The following ADH5 variants were observed in gnomAD, a reference collection of about 807,000 sequenced individuals.
The protein encoded by ADH5 is alcohol dehydrogenase 5 (class III), chi polypeptide, also known as alcohol dehydrogenase class-3.
ADH5 carries 32 observed loss-of-function variants against 40.3 expected under a neutral mutation model. The observed-to-expected ratio is 0.79, with a 90% CI of 0.60 to 1.07. The LOEUF (loss-of-function observed/expected upper bound fraction) is 1.07, where lower values mean the gene tolerates loss of function less well. Among genes scored for constraint, ADH5 ranks in the 50% least tolerant of loss-of-function variants. The pLI is 0.00. For missense variants in ADH5, 353 were observed against 460.5 expected, an observed-to-expected ratio of 0.77 and a Z score of 2.14; for synonymous variants, 125 against 154.3, an observed-to-expected ratio of 0.81 and a Z score of 1.41.
chr4:99,082,454 C>A (rs968822789), intron 2 of ADH5, among the ~76,000 whole-genome samples: 1 of 152,180 alleles, frequency 6.6e-6, no homozygotes, highest in African/African-American at 2.4e-5. Context: ...AGAGAACCAT[C>A]GCCTGTGTGC....
At chr4:99,080,184 T>A (rs1322560943) in intron 4 of ADH5, among the ~76,000 whole-genome samples, 2 of 152,132 alleles carry the variant, frequency 1.3e-5, no homozygotes, top group Non-Finnish European at 2.9e-5. Context: ...TAAAACTTAT[T>A]GGTTCTTTTC....
chr4:99,083,152 C>CA (rs1728060214), intron 2 of ADH5, among the ~76,000 whole-genome samples: 1 of 152,164 alleles, frequency 6.6e-6, no homozygotes, highest in Admixed American at 6.5e-5. Flanking sequence ...GCTCAATGAG[C>CA]ACAATGAATA....
At chr4:99,081,911 A>G in intron 3 of ADH5, 64 bp downstream of exon 3, 2 of 1,568,778 alleles carry the variant, frequency 1.3e-6, no homozygotes, top group Non-Finnish European at 1.7e-6. Flanking sequence ...TTTTATCAGA[A>G]AAACAATTTC....
At chr4:99,072,513 T>C (rs773735666) in intron 8 of ADH5, 60 bp downstream of exon 8, 33 of 1,608,876 alleles carry the variant, frequency 2.1e-5, no homozygotes, top group Non-Finnish European at 2.7e-5. Flanking sequence ...TTTTCGACTC[T>C]CCATCCCCTC....
At chr4:99,079,344 T>C (rs1727983747) in intron 4 of ADH5, among the ~76,000 whole-genome samples, 1 of 142,388 alleles carries the variant, frequency 7.0e-6, no homozygotes, top group South Asian at 2.4e-4. Flanking sequence ...ATATGCAGCT[T>C]GGATATATCT....
chr4:99,083,426 T>C (rs979357841), intron 2 of ADH5, among the ~76,000 whole-genome samples: 1 of 151,458 alleles, frequency 6.6e-6, no homozygotes, highest in African/African-American at 2.4e-5. Context: ...AGGGTGAAAC[T>C]CCGTCTCTAC....
intron 6 of ADH5, chr4:99,075,520 T>C (rs888453628): frequency 2.0e-5 from 3 of 152,330 alleles, no homozygotes; most frequent in Non-Finnish European, 2.9e-5. Flanking sequence ...ACAATTTATT[T>C]TAACAAATTA....
At chr4:99,074,879 A>G in intron 7 of ADH5, 35 bp downstream of exon 7, 1 of 1,555,636 alleles carries the variant, frequency 6.4e-7, no homozygotes, top group Non-Finnish European at 8.7e-7. Flanking sequence ...CAACTAACAA[A>G]AGAGAAAATG....
rs140849847 is a variant in ADH5 at position 99,076,278 on chromosome 4, A to C, written c.825+14T>G. On this transcript the variant is annotated intron_variant, in intron 6 of 8. Coordinates refer to ENST00000296412, the MANE Select transcript of ADH5 (RefSeq NM_000671.4). ...CAGTTCCATAAACTAAAAAGGAATG[A>C]AGCCCATACTCACCATGACCTTCAC... 286 of 1,610,330 alleles carry C rather than the reference A, an allele frequency of 1.8e-4. 1 individual carries two copies. In the East Asian group the frequency reaches 2.5e-3, roughly 14 times the overall value.
At chr4:99,079,861 G>A (rs745696988) in intron 4 of ADH5, 3 of 374,580 alleles carry the variant, frequency 8.0e-6, no homozygotes, top group Non-Finnish European at 1.5e-5. Flanking sequence ...AATCTCAGAA[G>A]CACGTCTTTC....
chr4:99,082,138 GAATGTGTA>G (rs1728037901), intron 2 of ADH5, 22 bp from the exon 3 acceptor site: 1 of 1,611,412 alleles, frequency 6.2e-7, no homozygotes, highest in African/African-American at 1.3e-5. Flanking sequence ...TTAAAACAAC[GAATGTGTA>G]AGTATGTGTG....
At chr4:99,078,284 C>T (rs1727966062) in intron 4 of ADH5, among the ~76,000 whole-genome samples, 1 of 152,084 alleles carries the variant, frequency 6.6e-6, no homozygotes, top group South Asian at 2.1e-4. Flanking sequence ...TTCGAACATA[C>T]ATATGAATAA....
chr4:99,076,858 A>T lies in ADH5; in HGVS notation c.410T>A (p.Ile137Asn). The T allele has an allele frequency of 6.2e-7, 1 of 1,613,904 alleles. No homozygotes were observed. The highest frequency in any genetic ancestry group is 8.5e-7 in the Non-Finnish European group (1 of 1,179,868). ...TGTGCTGGTTCCCATGTAATGCAAA[A>T]TTGTCTTTCCTTTGCAAGTAAATCT... ...TSRFTCKGKT[I>N]LHYMGTSTFS... Residue 137 changes from isoleucine to asparagine, a missense_variant, in exon 5 of 9, where the codon ATT (isoleucine) becomes AAT (asparagine). By Grantham distance (149) the Ile-to-Asn change is moderately radical. Transcript: ENST00000296412.
intron 5 of ADH5, 58 bp downstream of exon 5, chr4:99,076,646 A>G (rs1727937310): frequency 1.9e-6 from 3 of 1,597,620 alleles, no homozygotes; most frequent in East Asian, 4.5e-5. Context: ...CTATTCCAGG[A>G]AAGTTTCACT....
In ADH5 at chr4:99,085,141, G is replaced by T. The variant is rs1365212251; in HGVS notation, c.88C>A (p.Pro30Thr). The change falls in exon 2 of 9, where the codon CCA (proline) becomes ACA (threonine). Residue 30 changes from proline (P) to threonine (T), a missense_variant. By Grantham distance (38) the Pro-to-Thr change is conservative. Coordinates refer to ENST00000296412, the MANE Select transcript of ADH5 (RefSeq NM_000671.4). ...LSIEEIEVAP[P>T]KAHEVRIKII... ...TTGATTCGAACTTCATGAGCCTTTG[G>T]GGGTGCCACCTCTATCTCCTCTATG... 7 of 1,533,840 alleles carry T rather than the reference G, an allele frequency of 4.6e-6. No homozygotes were observed.
At chr4:99,082,144 G>C (rs1728038217) in intron 2 of ADH5, 28 bp from the exon 3 acceptor site, 1 of 1,608,800 alleles carries the variant, frequency 6.2e-7, no homozygotes, top group East Asian at 2.2e-5. Flanking sequence ...CAACGAATGT[G>C]TAAGTATGTG....
intron 1 of ADH5, among the ~76,000 whole-genome samples, chr4:99,087,334 A>T (rs1029163822): frequency 6.7e-5 from 9 of 133,632 alleles, no homozygotes; most frequent in Non-Finnish European, 1.6e-5. Flanking sequence ...GTGACCCAAG[A>T]TCGCGCTATC....
intron 1 of ADH5, among the ~76,000 whole-genome samples, chr4:99,086,828 T>A (rs29001351): frequency 2.8e-4 from 39 of 139,726 alleles, no homozygotes; most frequent in African/African-American, 1.1e-3. Context: ...TAGTCACAGC[T>A]ACCGGGGAGG....
intron 4 of ADH5, among the ~76,000 whole-genome samples, chr4:99,079,439 A>C (rs1189132379): frequency 1.5e-5 from 2 of 136,402 alleles, no homozygotes; most frequent in African/African-American, 5.4e-5. Flanking sequence ...TGAAAGGAAG[A>C]ATCAGGACAG....
Sources: allele counts gnomAD v4.1 joint callset (sites outside exome capture counted in the v4.1 genomes callset), GRCh38; gene constraint gnomAD v4.1.1; transcripts MANE v1.5; gene names NCBI Gene and HGNC (gene_info 2026-07-23, HGNC 2026-07-21).